Variants in TTC7B observed in about 807,000 individuals in gnomAD.
TTC7B encodes the protein tetratricopeptide repeat domain 7B.
A neutral mutation model predicts 106.8 loss-of-function variants in TTC7B; 28 were observed. The ratio of observed to expected loss-of-function variants is 0.26; its 90% CI spans 0.19 to 0.36. TTC7B has a LOEUF of 0.36. Among genes scored for constraint, TTC7B ranks in the 10% least tolerant of loss-of-function variants. The pLI, the probability that TTC7B is intolerant of heterozygous loss-of-function variation, is 1.00. For missense variants in TTC7B, 862 were observed against 1,076.4 expected, an observed-to-expected ratio of 0.80 and a Z score of 2.79; for synonymous variants, 405 against 430.6, an observed-to-expected ratio of 0.94 and a Z score of 0.74.
intron 10 of TTC7B, chr14:90,658,006 G>A (rs1353164189): frequency 2.6e-6 from 1 of 385,568 alleles, no homozygotes; most frequent in African/African-American, 2.1e-5. Flanking sequence ...ACTCTCAGAT[G>A]AGTGGAGGTG....
chr14:90,545,768 T>A (rs1211193900), intron 19 of TTC7B, among the ~76,000 whole-genome samples: 2 of 152,206 alleles, frequency 1.3e-5, no homozygotes, highest in South Asian at 4.1e-4. Flanking sequence ...CATGTCTAAC[T>A]GCCCTCAAAA....
intron 18 of TTC7B, among the ~76,000 whole-genome samples, chr14:90,584,392 G>T (rs1040602565): frequency 3.9e-5 from 6 of 152,238 alleles, no homozygotes; most frequent in African/African-American, 1.4e-4. Flanking sequence ...CCCTGGGCTT[G>T]GCTGTGCGGG....
chr14:90,704,657 G>A (rs1020510415), intron 5 of TTC7B, among the ~76,000 whole-genome samples: 2 of 152,236 alleles, frequency 1.3e-5, no homozygotes, highest in African/African-American at 4.8e-5. Context: ...GCAAAGAACG[G>A]GATGGGATCC....
At chr14:90,639,997 C>T (rs756372287) in intron 15 of TTC7B, among the ~76,000 whole-genome samples, 3 of 152,242 alleles carry the variant, frequency 2.0e-5, no homozygotes, top group South Asian at 2.1e-4. Context: ...TAGGAGTACA[C>T]GCCGGGTGCG....
intron 17 of TTC7B, among the ~76,000 whole-genome samples, chr14:90,606,927 T>C (rs1414984227): frequency 6.6e-6 from 1 of 152,192 alleles, no homozygotes; most frequent in African/African-American, 2.4e-5. Context: ...GGACCCAGGA[T>C]ATATAATAAT....
At chr14:90,680,380 GA>G in intron 8 of TTC7B, 91 bp downstream of exon 8, 1 of 974,328 alleles carries the variant, frequency 1.0e-6, no homozygotes, top group Non-Finnish European at 1.6e-6. Flanking sequence ...TTTCTCTTAA[GA>G]AAAAGAGTCA....
At chr14:90,619,527 G>C (rs191716487) in intron 15 of TTC7B, among the ~76,000 whole-genome samples, 1 of 152,176 alleles carries the variant, frequency 6.6e-6, no homozygotes, top group Non-Finnish European at 1.5e-5. Context: ...TCTCTACTCA[G>C]TATGTGCCAT....
rs147321305 is a variant in TTC7B at position 90,630,625 on chromosome 14, C to T, written c.1752-12580G>A. Among the ~76,000 whole-genome samples, 8 of 152,314 alleles carry T rather than the reference C, an allele frequency of 5.3e-5. No individual in the cohort carries two copies. The East Asian group carries it at 1.5e-3, about 29-fold the overall frequency. The stretch of plus-strand genomic sequence containing the variant: ...TTCGTGTTGCAAAACTGAAACCGCA[C>T]CCACTGAACAATAGCTTCCCATTCC... On this transcript the variant is annotated intron_variant, in intron 15 of 19. Coordinates refer to ENST00000328459, the MANE Select transcript of TTC7B (RefSeq NM_001010854.2).
Position 90,617,924 on chromosome 14 carries a change from C to G in TTC7B, c.1868+5G>C. ...CACGCAAAGCAGGCCCTGCTGGCCT[C>G]TTACCTGGGGTTGGTGAGGTTGTAG... is the stretch of plus-strand genomic sequence containing the variant. On this transcript the variant is annotated splice_donor_5th_base_variant and intron_variant, in intron 16 of 19. Coordinates refer to ENST00000328459, the MANE Select transcript of TTC7B (RefSeq NM_001010854.2). The G allele has an allele frequency of 6.2e-7, 1 of 1,612,322 alleles. No individual in the cohort carries two copies. The highest frequency in any genetic ancestry group is 8.5e-7 in the Non-Finnish European group (1 of 1,178,594).
At position 90,616,864 on chromosome 14, in the gene TTC7B, T is replaced by C. The variant is rs371861982; in HGVS notation, c.1868+1065A>G. Among the ~76,000 whole-genome samples the C allele has an allele frequency of 3.8e-4, 58 of 152,318 alleles. No homozygotes were observed. In the East Asian group the frequency reaches 6.9e-3, roughly 18 times the overall value. ...TTTAGGTGACATATTTTTAGGCCCCTGACTCTTAAAAGCATGATATCAGCT... is the reference window on the plus strand; with the variant it reads ...TTTAGGTGACATATTTTTAGGCCCCCGACTCTTAAAAGCATGATATCAGCT... On this transcript the variant is annotated intron_variant, in intron 16 of 19. Coordinates refer to ENST00000328459, the MANE Select transcript of TTC7B (RefSeq NM_001010854.2).
chr14:90,599,539 C>T (rs1195471484), intron 17 of TTC7B, among the ~76,000 whole-genome samples: 1 of 152,256 alleles, frequency 6.6e-6, no homozygotes, highest in East Asian at 1.9e-4. Context: ...CCTTGCTTCC[C>T]AGCCCTGGAG....
At chr14:90,589,432 C>T (rs56351288) in intron 18 of TTC7B, among the ~76,000 whole-genome samples, 43 of 152,238 alleles carry the variant, frequency 2.8e-4, no homozygotes, top group Non-Finnish European at 4.7e-4. Flanking sequence ...TAAATCATCT[C>T]TAGATTACTT....
At chr14:90,586,184 G>C (rs1891703747) in intron 18 of TTC7B, among the ~76,000 whole-genome samples, 1 of 152,172 alleles carries the variant, frequency 6.6e-6, no homozygotes, top group Non-Finnish European at 1.5e-5. Flanking sequence ...CTGCCCCCCT[G>C]GCTGCCGCGA....
chr14:90,806,029 C>T (rs760634367), intron 1 of TTC7B, among the ~76,000 whole-genome samples: 13 of 152,220 alleles, frequency 8.5e-5, no homozygotes, highest in South Asian at 6.2e-4. Flanking sequence ...CCTGGAAGTA[C>T]TTGACACGAA....
intron 5 of TTC7B, among the ~76,000 whole-genome samples, chr14:90,707,623 A>T (rs541386084): frequency 2.8e-4 from 42 of 152,298 alleles, no homozygotes; most frequent in East Asian, 1.4e-3. Context: ...ATAATTTTTT[A>T]AAAAAAGCAA....
At chr14:90,551,430 C>A (rs1289632707) in intron 19 of TTC7B, among the ~76,000 whole-genome samples, 2 of 152,188 alleles carry the variant, frequency 1.3e-5, no homozygotes, top group East Asian at 1.9e-4. Context: ...AAAATGAGGA[C>A]CCCACAAGAG....
At chr14:90,756,865 G>A (rs372301069) in intron 3 of TTC7B, among the ~76,000 whole-genome samples, 1 of 152,088 alleles carries the variant, frequency 6.6e-6, no homozygotes, top group African/African-American at 2.4e-5. Flanking sequence ...CCAATGAGGA[G>A]CCGACTAACA....
chr14:90,795,745 A>G (rs1425087097), intron 1 of TTC7B, among the ~76,000 whole-genome samples: 1 of 152,170 alleles, frequency 6.6e-6, no homozygotes. Context: ...TTCCCAGAAT[A>G]GTTATGTTGG....
At chr14:90,736,684 A>G (rs1454521137) in intron 4 of TTC7B, among the ~76,000 whole-genome samples, 1 of 152,086 alleles carries the variant, frequency 6.6e-6, no homozygotes, top group Non-Finnish European at 1.5e-5. Context: ...CAGGAGTTCA[A>G]GACCAGCCTG....
Sources: allele counts gnomAD v4.1 joint callset (sites outside exome capture counted in the v4.1 genomes callset), GRCh38; gene constraint gnomAD v4.1.1; transcripts MANE v1.5; gene names NCBI Gene and HGNC (gene_info 2026-07-23, HGNC 2026-07-21).